The following DTNB variants were observed in gnomAD, a reference collection of about 807,000 sequenced individuals.
DTNB encodes the protein dystrobrevin beta.
Under a neutral mutation model 90.7 loss-of-function variants are expected in DTNB, and 63 were observed. The observed-to-expected ratio is 0.69, with a 90% CI of 0.57 to 0.86. DTNB has a LOEUF of 0.86. DTNB is among the 40% of genes least tolerant of loss of function. The probability of loss-of-function intolerance (pLI) is 0.00; values close to 1 mark genes in which losing one functional copy is unlikely to be tolerated. For synonymous variants in DTNB, 277 were observed against 286.7 expected (o/e 0.97, Z 0.34); for missense variants, 744 against 807.1 (o/e 0.92, Z 0.95).
intron 6 of DTNB, among the ~76,000 whole-genome samples, chr2:25,583,722 T>C (rs2061917239): frequency 6.6e-6 from 1 of 152,160 alleles, no homozygotes; most frequent in Admixed American, 6.5e-5. Flanking sequence ...GATTTCACCA[T>C]GTTGGCCAGG....
chr2:25,575,254 A>C (rs1466124925), intron 8 of DTNB, among the ~76,000 whole-genome samples: 4 of 152,030 alleles, frequency 2.6e-5, no homozygotes, highest in Non-Finnish European at 4.4e-5. Flanking sequence ...AAAAAAAAAA[A>C]ACCAGTGGAA....
intron 8 of DTNB, among the ~76,000 whole-genome samples, chr2:25,558,903 C>T (rs187962432): frequency 1.4e-4 from 21 of 152,252 alleles, no homozygotes; most frequent in Middle Eastern, 6.8e-3. Flanking sequence ...CTCTGGTCAA[C>T]GAAGCAGTCA....
At chr2:25,525,178 T>C (rs898154009) in intron 9 of DTNB, among the ~76,000 whole-genome samples, 3 of 152,216 alleles carry the variant, frequency 2.0e-5, no homozygotes, top group African/African-American at 4.8e-5. Flanking sequence ...AGTTTTAACA[T>C]ATCTGATTTT....
At chr2:25,666,664 T>A (rs1267384624) in intron 1 of DTNB, among the ~76,000 whole-genome samples, 1 of 152,230 alleles carries the variant, frequency 6.6e-6, no homozygotes, top group Non-Finnish European at 1.5e-5. Flanking sequence ...CAATTTTTTT[T>A]AATTAGGCTC....
intron 10 of DTNB, among the ~76,000 whole-genome samples, chr2:25,475,419 T>C (rs1430092174): frequency 2.0e-5 from 3 of 152,246 alleles, no homozygotes; most frequent in Non-Finnish European, 2.9e-5. Flanking sequence ...GGTGAGCAAG[T>C]TGCAGAAGAA....
chr2:25,532,204 C>T (rs1313948868), intron 8 of DTNB, among the ~76,000 whole-genome samples: 1 of 144,574 alleles, frequency 6.9e-6, no homozygotes, highest in African/African-American at 2.6e-5. Flanking sequence ...AAGATCACGC[C>T]ATTGCACTTC....
At chr2:25,548,000 C>T (rs2082793764) in intron 8 of DTNB, among the ~76,000 whole-genome samples, 1 of 152,052 alleles carries the variant, frequency 6.6e-6, no homozygotes, top group African/African-American at 2.4e-5. Flanking sequence ...CTGTCTGTAC[C>T]CCATATCAGT....
intron 5 of DTNB, among the ~76,000 whole-genome samples, chr2:25,601,794 T>G (rs985913679): frequency 3.3e-5 from 5 of 152,074 alleles, no homozygotes; most frequent in African/African-American, 1.2e-4. Flanking sequence ...TAAACACAAC[T>G]AGGCCCGAGT....
At chr2:25,509,165 T>G (rs1031109550) in intron 9 of DTNB, among the ~76,000 whole-genome samples, 2 of 152,216 alleles carry the variant, frequency 1.3e-5, no homozygotes, top group Non-Finnish European at 2.9e-5. Context: ...TTTTCTCGTA[T>G]TACTGCACTA....
At chr2:25,661,426 CATA>C (rs1358568606) in intron 1 of DTNB, among the ~76,000 whole-genome samples, 2 of 152,142 alleles carry the variant, frequency 1.3e-5, no homozygotes, top group African/African-American at 4.8e-5. Context: ...AAAAGTTGCA[CATA>C]ATAACTCAAG....
chr2:25,619,553 A>G (rs1484049135), intron 4 of DTNB, among the ~76,000 whole-genome samples: 2 of 152,234 alleles, frequency 1.3e-5, no homozygotes, highest in African/African-American at 4.8e-5. Flanking sequence ...CTAGCATTAT[A>G]CTAATTGAGG....
chr2:25,556,684 A>G (rs1322626132), intron 8 of DTNB, among the ~76,000 whole-genome samples: 1 of 152,216 alleles, frequency 6.6e-6, no homozygotes, highest in East Asian at 1.9e-4. Flanking sequence ...AGTGTGATAT[A>G]GCGGGCCATG....
At chr2:25,552,841 A>ATAT (rs1559000907) in intron 8 of DTNB, among the ~76,000 whole-genome samples, 1 of 86,036 alleles carries the variant, frequency 1.2e-5, no homozygotes, top group African/African-American at 4.2e-5. Context: ...TCTCTTTTTG[A>ATAT]TTTTTTTTTT....
chr2:25,631,266 G>A lies in DTNB; in HGVS notation c.149-2882C>T, dbSNP rs373034723. Among the ~76,000 whole-genome samples, 98 of 152,216 alleles carry A rather than the reference G, an allele frequency of 6.4e-4. 3 individuals carry two copies. The South Asian group carries it at 0.019, about 29-fold the overall frequency. ...AAACATATTGTTAAAGAGGGTCAGC[G>A]AATAATGATAAAAGTTTTAATTCAT... On this transcript the variant is annotated intron_variant, in intron 3 of 20. Transcript: ENST00000406818.
At chr2:25,379,190 G>GC (rs1271412172) in intron 20 of DTNB, 100 bp downstream of exon 20, 1 of 1,182,548 alleles carries the variant, frequency 8.5e-7, no homozygotes, top group African/African-American at 1.6e-5. Flanking sequence ...TGTTAGGACT[G>GC]CCCTGGCTAG....
chr2:25,495,424 C>T (rs546589668), intron 9 of DTNB, among the ~76,000 whole-genome samples: 3 of 152,072 alleles, frequency 2.0e-5, no homozygotes, highest in Admixed American at 1.3e-4. Flanking sequence ...GAGACCTATT[C>T]GTGGACCCTT....
chr2:25,573,933 AGTTACCTTTC>A (rs1359915402), intron 8 of DTNB, among the ~76,000 whole-genome samples: 4 of 152,184 alleles, frequency 2.6e-5, no homozygotes, highest in South Asian at 2.1e-4. Context: ...TCAAGGACCC[AGTTACCTTTC>A]GCTTAATGGT....
chr2:25,644,222 G>A (rs1279633585), intron 2 of DTNB, among the ~76,000 whole-genome samples: 1 of 151,966 alleles, frequency 6.6e-6, no homozygotes, highest in Non-Finnish European at 1.5e-5. Context: ...TTCACTTTAC[G>A]GACGCACTGA....
rs2064553473 is a variant in DTNB at position 25,596,066 on chromosome 2, T to G, written c.603+20A>C. On this transcript the variant is annotated intron_variant, in intron 6 of 20. Transcript: ENST00000406818. ...GGAAGAGCGCTCTTCTAGCCCTAGA[T>G]TCTATAAAACTGTCCTTACCTGCTG... The G allele has an allele frequency of 6.4e-7, 1 of 1,571,072 alleles. No homozygotes were observed. Among genetic ancestry groups the G allele is most frequent in the Non-Finnish European group, 8.6e-7 (1 of 1,163,036 alleles).
Sources: allele counts gnomAD v4.1 joint callset (sites outside exome capture counted in the v4.1 genomes callset), GRCh38; gene constraint gnomAD v4.1.1; transcripts MANE v1.5; gene names NCBI Gene and HGNC (gene_info 2026-07-23, HGNC 2026-07-21).